Variants in FAT3 observed in about 807,000 individuals in gnomAD.
FAT3 encodes the protein protocadherin Fat 3.
A neutral mutation model predicts 310.2 loss-of-function variants in FAT3; 95 were observed. The ratio of observed to expected loss-of-function variants is 0.31; its 90% CI spans 0.26 to 0.36. The LOEUF is 0.36. Ranked by LOEUF, FAT3 falls within the 10% of genes least tolerant of loss-of-function variation. FAT3 has a pLI of 1.00. For synonymous variants in FAT3, 2,314 were observed against 2,192.9 expected (o/e 1.06, Z -1.54); for missense variants, 5,408 against 5,715.6 (o/e 0.95, Z 1.74).
intron 3 of FAT3, among the ~76,000 whole-genome samples, chr11:92,686,380 G>A (rs1328656016): frequency 6.6e-6 from 1 of 152,106 alleles, no homozygotes; most frequent in Admixed American, 6.6e-5. Context: ...TCAAAATGGT[G>A]GTTGTTAAAA....
At chr11:92,325,087 G>A (rs1947729451) in intron 1 of FAT3, among the ~76,000 whole-genome samples, 1 of 152,182 alleles carries the variant, frequency 6.6e-6, no homozygotes, top group Non-Finnish European at 1.5e-5. Context: ...AACATTCTCT[G>A]GGGATTGTTG....
intron 8 of FAT3, among the ~76,000 whole-genome samples, chr11:92,790,962 A>G (rs1325131111): frequency 1.3e-5 from 2 of 152,216 alleles, no homozygotes; most frequent in African/African-American, 2.4e-5. Context: ...AAGACCAGGT[A>G]GAAGGACAGA....
chr11:92,297,905 A>G (rs1946892757), intron 1 of FAT3, among the ~76,000 whole-genome samples: 1 of 152,062 alleles, frequency 6.6e-6, no homozygotes, highest in African/African-American at 2.4e-5. Flanking sequence ...ATATTTTGGG[A>G]AAGTGGGATG....
At chr11:92,503,227 A>G (rs1327689351) in intron 2 of FAT3, among the ~76,000 whole-genome samples, 1 of 152,136 alleles carries the variant, frequency 6.6e-6, no homozygotes, top group East Asian at 1.9e-4. Context: ...TTTGGAAAAT[A>G]ATGTTTGATT....
In FAT3 at chr11:92,765,060, C is replaced by G. The variant is rs1460298233; in HGVS notation, c.4166C>G (p.Ala1389Gly). The change falls in exon 6 of 28, where the codon GCT becomes GGT. Residue 1389 changes from alanine to glycine, a missense_variant. By Grantham distance (60) the Ala-to-Gly change is moderately conservative. Transcript: ENST00000525166. ...GTAGGGGTGGTGTCTGTGCAGCCAG[C>G]TAACACCCCTCTGTGGTTTGACATA... is the stretch of plus-strand genomic sequence containing the variant. ...EIVGVVSVQP[A>G]NTPLWFDIVG... 1.2e-6 allele frequency: 2 copies of G among 1,613,178 alleles called. No homozygotes were observed. Among genetic ancestry groups the G allele is most frequent in the Non-Finnish European group, 1.7e-6 (2 of 1,179,764 alleles).
chr11:92,461,882 C>T (rs1951647176), intron 2 of FAT3, among the ~76,000 whole-genome samples: 1 of 152,146 alleles, frequency 6.6e-6, no homozygotes. Flanking sequence ...TATCATGGTA[C>T]TTATTGCAGT....
intron 2 of FAT3, among the ~76,000 whole-genome samples, chr11:92,499,096 C>T (rs1952851427): frequency 6.6e-6 from 1 of 151,898 alleles, no homozygotes; most frequent in South Asian, 2.1e-4. Flanking sequence ...TATTGAAGAC[C>T]TACTCTGCAC....
At chr11:92,806,953 G>C (rs1388168035) in intron 12 of FAT3, among the ~76,000 whole-genome samples, 1 of 152,176 alleles carries the variant, frequency 6.6e-6, no homozygotes, top group East Asian at 1.9e-4. Context: ...GGATTGAACT[G>C]ACTGTGAACA....
intron 2 of FAT3, among the ~76,000 whole-genome samples, chr11:92,442,750 A>G (rs954506258): frequency 3.9e-5 from 6 of 151,938 alleles, no homozygotes; most frequent in Admixed American, 2.0e-4. Flanking sequence ...TATCATCACA[A>G]CCCCCAAACA....
Position 92,799,341 on chromosome 11 carries a change from G to A in FAT3, c.6328G>A (p.Asp2110Asn). 1 of 1,613,920 alleles carries A rather than the reference G, an allele frequency of 6.2e-7. No homozygotes were observed. Among genetic ancestry groups the A allele is most frequent in the Non-Finnish European group, 8.5e-7 (1 of 1,179,862 alleles). Residue 2110 changes from aspartate to asparagine, a missense_variant, in exon 10 of 28, where the codon GAC (aspartate) becomes AAC (asparagine). Physicochemically the swap from Asp to Asn is conservative, Grantham distance 23 (BLOSUM62 1). This residue lies in a region of FAT3 where 4,588 missense variants were observed against 4,809.8 expected (regional missense o/e 0.95). Transcript: ENST00000525166. ...GTLIYQVTAIDKDKGPNGEVT... is the reference protein window; with the variant it reads ...GTLIYQVTAINKDKGPNGEVT... ...TCTGATTTATCAGGTGACAGCCATT[G>A]ACAAAGATAAAGGTCCAAATGGAGA...
At chr11:92,672,675 A>G (rs925179197) in intron 3 of FAT3, among the ~76,000 whole-genome samples, 4 of 152,210 alleles carry the variant, frequency 2.6e-5, no homozygotes, top group African/African-American at 9.6e-5. Context: ...GGTGACCATG[A>G]TGGAACATGA....
rs1225460070 is a variant in FAT3 at position 92,844,062 on chromosome 11, T to C, written c.10695T>C (p.Phe3565=). Residue 3565 remains phenylalanine (F), a synonymous_variant, in exon 19 of 28, where the codon TTT becomes TTC. Coordinates refer to ENST00000525166, the MANE Select transcript of FAT3 (RefSeq NM_001367949.2). The part of the protein sequence containing the change: ...EIFIVTMEDD[F]PGGVIGKIHA... ...TCATTGTCACCATGGAGGATGACTTTCCTGGTGGGGTCATTGGGAAGATTC... is the reference window on the plus strand; with the variant it reads ...TCATTGTCACCATGGAGGATGACTTCCCTGGTGGGGTCATTGGGAAGATTC... 6 of 1,613,910 alleles carry C rather than the reference T, an allele frequency of 3.7e-6. No homozygotes were observed. Among genetic ancestry groups the C allele is most frequent in the Non-Finnish European group, 5.1e-6 (6 of 1,179,904 alleles).
At chr11:92,301,738 G>T (rs1947003477) in intron 1 of FAT3, among the ~76,000 whole-genome samples, 1 of 151,962 alleles carries the variant, frequency 6.6e-6, no homozygotes, top group East Asian at 1.9e-4. Flanking sequence ...GGGGAATAGA[G>T]GGTCTCAATT....
intron 1 of FAT3, among the ~76,000 whole-genome samples, chr11:92,290,597 C>T (rs1946664807): frequency 6.6e-6 from 1 of 151,606 alleles, no homozygotes; most frequent in African/African-American, 2.4e-5. Flanking sequence ...TTTCCACACA[C>T]ACACAAAAAT....
At chr11:92,254,007 G>C (rs555366323) in intron 1 of FAT3, among the ~76,000 whole-genome samples, 1 of 152,130 alleles carries the variant, frequency 6.6e-6, no homozygotes, top group Non-Finnish European at 1.5e-5. Flanking sequence ...TCGTTTATTT[G>C]CATTGAAATC....
intron 2 of FAT3, among the ~76,000 whole-genome samples, chr11:92,450,067 C>G (rs1951316611): frequency 6.6e-6 from 1 of 152,152 alleles, no homozygotes; most frequent in African/African-American, 2.4e-5. Context: ...CTAACTACCT[C>G]CTTAGCCAGA....
intron 1 of FAT3, among the ~76,000 whole-genome samples, chr11:92,282,773 G>A (rs16917339): frequency 0.021 from 3,224 of 152,084 alleles, 123 homozygotes; most frequent in African/African-American, 0.074. Flanking sequence ...TTTGATTTTA[G>A]TACTTGACAA....
At chr11:92,478,948 C>CTTTCTTTCTTTTCT (rs1555058204) in intron 2 of FAT3, among the ~76,000 whole-genome samples, 23 of 114,464 alleles carry the variant, frequency 2.0e-4, no homozygotes, top group Non-Finnish European at 2.6e-4. Flanking sequence ...TTCTTTCTTT[C>CTTTCTTTCTTTTCT]TTTCTTTTCT....
At chr11:92,605,380 TG>T (rs1262752774) in intron 3 of FAT3, among the ~76,000 whole-genome samples, 1 of 152,184 alleles carries the variant, frequency 6.6e-6, no homozygotes, top group Non-Finnish European at 1.5e-5. Context: ...ATGGGGCCAA[TG>T]GGCATTTATC....
Sources: allele counts gnomAD v4.1 joint callset (sites outside exome capture counted in the v4.1 genomes callset), GRCh38; gene constraint gnomAD v4.1.1; regional missense constraint gnomAD v4.1.1; transcripts MANE v1.5; gene names NCBI Gene and HGNC (gene_info 2026-07-23, HGNC 2026-07-21).